STON2: variants seen among roughly 807,000 people sequenced by gnomAD.
STON2 encodes stonin 2.
Under a neutral mutation model 65.7 loss-of-function variants are expected in STON2, and 29 were observed. The observed-to-expected ratio is 0.44, with a 90% CI of 0.33 to 0.60. The LOEUF (loss-of-function observed/expected upper bound fraction) is 0.60. Among genes scored for constraint, STON2 ranks in the 20% least tolerant of loss-of-function variants. The probability of loss-of-function intolerance (pLI) is 0.03; values close to 1 mark genes in which losing one functional copy is unlikely to be tolerated. For synonymous variants in STON2, 404 were observed against 414.2 expected (o/e 0.98, Z 0.30); for missense variants, 1,054 against 1,118.1 (o/e 0.94, Z 0.82).
At chr14:81,349,628 G>T (rs937889403) in intron 4 of STON2, among the ~76,000 whole-genome samples, 1 of 152,046 alleles carries the variant, frequency 6.6e-6, no homozygotes, top group African/African-American at 2.4e-5. Flanking sequence ...ACTGCTGGTG[G>T]GAATGTAAAT....
rs1428304661 is a variant in STON2, at chr14:81,261,741, C to T, written c.*6673G>A. On this transcript the variant is annotated 3_prime_UTR_variant, in exon 8 of 8. Coordinates refer to ENST00000614646, the MANE Select transcript of STON2 (RefSeq NM_001394390.1). ...CTTCTGTGTCAGGTAGCACCCAAAT[C>T]CTAACATCTATTTTGGAGACCTGTC... 1 of 1,460,606 alleles carries T rather than the reference C, an allele frequency of 6.8e-7. No individual in the cohort carries two copies. The highest frequency in any genetic ancestry group is 2.5e-5 in the East Asian group (1 of 39,636). The allele number at this position is 1,460,606 out of a possible 1,614,324, so 90.5% of individuals were successfully genotyped here.
At chr14:81,271,885 C>T (rs1198617561) in intron 6 of STON2, among the ~76,000 whole-genome samples, 1 of 152,108 alleles carries the variant, frequency 6.6e-6, no homozygotes, top group African/African-American at 2.4e-5. Flanking sequence ...AGAATGTTAC[C>T]TTCATTTTAT....
At position 81,278,332 on chromosome 14, in the gene STON2, G is replaced by C. The variant is rs1455386429; in HGVS notation, c.1150C>G (p.Pro384Ala). The C allele has an allele frequency of 6.2e-7, 1 of 1,614,154 alleles. No individual in the cohort carries two copies. Among genetic ancestry groups the C allele is most frequent in the East Asian group, 2.2e-5 (1 of 44,878 alleles). Residue 384 changes from proline (P) to alanine (A), a missense_variant, in exon 6 of 8, where the codon CCT becomes GCT. Physicochemically the swap from Pro to Ala is conservative, Grantham distance 27. Coordinates refer to ENST00000614646, the MANE Select transcript of STON2 (RefSeq NM_001394390.1). ...NETLQDVQPS[P>A]INPFSAFFEE... ...AAGAAAGCACTGAAAGGGTTGATAG[G>C]GGAGGGCTGTACATCCTGCAGAGTC...
Position 81,265,854 on chromosome 14 carries a change from C to G in STON2, c.*2560G>C, listed in dbSNP as rs1894339801. ...TCCAACAAGCAATCCACATGTTATGCTAGCAGATGAGGCAGAGATCTTGAC... is the reference window on the plus strand; with the variant it reads ...TCCAACAAGCAATCCACATGTTATGGTAGCAGATGAGGCAGAGATCTTGAC... On this transcript the variant is annotated 3_prime_UTR_variant, in exon 8 of 8. Transcript: ENST00000614646. 3.0e-6 allele frequency: 3 copies of G among 985,162 alleles called. No homozygotes were observed. The highest frequency in any genetic ancestry group is 3.6e-6 in the Non-Finnish European group (3 of 829,910). The allele number at this position is 985,162 out of a possible 1,614,324, so 61.0% of individuals were successfully genotyped here. A position where few individuals can be genotyped will look rare whatever the true frequency, so the allele number is the denominator to read the frequency against.
At chr14:81,312,492 T>C (rs186524525) in intron 5 of STON2, among the ~76,000 whole-genome samples, 32 of 152,338 alleles carry the variant, frequency 2.1e-4, no homozygotes, top group African/African-American at 7.7e-4. Context: ...AAAACTCCCC[T>C]GAACTACTTC....
intron 4 of STON2, among the ~76,000 whole-genome samples, chr14:81,341,845 G>T (rs192850624): frequency 4.4e-4 from 67 of 152,246 alleles, no homozygotes; most frequent in South Asian, 2.1e-3. Flanking sequence ...GATAATCTCA[G>T]AATCTTCATG....
At chr14:81,293,638 A>G (rs1026199962) in intron 5 of STON2, among the ~76,000 whole-genome samples, 8 of 152,202 alleles carry the variant, frequency 5.3e-5, no homozygotes, top group African/African-American at 1.9e-4. Flanking sequence ...AAATACATAT[A>G]TCTTAAGCAG....
At chr14:81,407,951 C>G (rs1191203313) in intron 2 of STON2, among the ~76,000 whole-genome samples, 1 of 152,146 alleles carries the variant, frequency 6.6e-6, no homozygotes, top group Non-Finnish European at 1.5e-5. Flanking sequence ...TTGAAATAAC[C>G]ATGCTGCTTG....
intron 3 of STON2, among the ~76,000 whole-genome samples, chr14:81,388,567 C>T (rs1899932962): frequency 6.6e-6 from 1 of 152,152 alleles, no homozygotes; most frequent in South Asian, 2.1e-4. Flanking sequence ...AAGAGACGTA[C>T]CATTAATGAC....
At chr14:81,351,682 G>A (rs992316867) in intron 4 of STON2, among the ~76,000 whole-genome samples, 1 of 152,210 alleles carries the variant, frequency 6.6e-6, no homozygotes. Context: ...CATTCAAAAT[G>A]TGAAATCCCT....
In STON2 at chr14:81,329,494, G is replaced by A. The variant is rs113792540; in HGVS notation, c.572-5307C>T. 3.8e-3 allele frequency among the ~76,000 whole-genome samples: 581 copies of A among 151,214 alleles called. 3 individuals are homozygous for A. Among genetic ancestry groups the A allele is most frequent in the African/African-American group, 0.012 (503 of 41,116 alleles). ...AAAAGAGAGAGACAAAGATACAGGG[G>A]AAAACGTCATGAGAAGATGGAGGCA... On this transcript the variant is annotated intron_variant, in intron 4 of 7. Transcript: ENST00000614646.
At position 81,371,125 on chromosome 14, in the gene STON2, G is replaced by T. The variant is rs976376710; in HGVS notation, c.434C>A (p.Pro145His). ...CPSFDSLGRCPLTSESSWTTH... is the reference protein window; with the variant it reads ...CPSFDSLGRCHLTSESSWTTH... Reference sequence around the variant, plus strand: ...GGTCCAGCTGCTCTCAGAAGTCAGAGGGCATCTCCCCAGGGAGTCAAAGGA... The same window carrying T: ...GGTCCAGCTGCTCTCAGAAGTCAGATGGCATCTCCCCAGGGAGTCAAAGGA... The change falls in exon 4 of 8, where the codon CCT becomes CAT. Residue 145 changes from proline to histidine, a missense_variant. Pro to His is a moderately conservative substitution (Grantham distance 77). Coordinates refer to ENST00000614646, the MANE Select transcript of STON2 (RefSeq NM_001394390.1). 1 of 1,614,156 alleles carries T rather than the reference G, an allele frequency of 6.2e-7. No individual in the cohort carries two copies. Among genetic ancestry groups the T allele is most frequent in the Admixed American group, 1.7e-5 (1 of 60,020 alleles).
chr14:81,427,747 C>T (rs930982090), intron 1 of STON2, among the ~76,000 whole-genome samples: 2 of 152,096 alleles, frequency 1.3e-5, no homozygotes, highest in African/African-American at 4.8e-5. Flanking sequence ...AAAAAGTGTG[C>T]TTTGACTGCC....
chr14:81,361,534 C>T lies in STON2; in HGVS notation c.571+9454G>A, dbSNP rs186089375. On this transcript the variant is annotated intron_variant, in intron 4 of 7. Transcript: ENST00000614646. ...AAAGGTTTAAACATAAGACCTGAAA[C>T]TGTAAAACTATTGGAAGAAAATATA... Among the ~76,000 whole-genome samples the T allele has an allele frequency of 1.6e-4, 24 of 152,156 alleles. No individual in the cohort carries two copies. The East Asian group carries it at 3.9e-3, about 24-fold the overall frequency.
intron 5 of STON2, among the ~76,000 whole-genome samples, chr14:81,287,782 T>A (rs998184512): frequency 6.6e-6 from 1 of 152,166 alleles, no homozygotes; most frequent in African/African-American, 2.4e-5. Flanking sequence ...CTCTCCCCAA[T>A]ACTCTACCTT....
At chr14:81,348,252 G>T (rs1897894412) in intron 4 of STON2, among the ~76,000 whole-genome samples, 1 of 152,108 alleles carries the variant, frequency 6.6e-6, no homozygotes, top group Non-Finnish European at 1.5e-5. Context: ...AGTACTGGAA[G>T]TCCTAGCCAG....
intron 5 of STON2, among the ~76,000 whole-genome samples, chr14:81,292,655 C>T (rs542072014): frequency 7.2e-5 from 11 of 152,296 alleles, no homozygotes; most frequent in Non-Finnish European, 1.0e-4. Flanking sequence ...TCCCCAACCC[C>T]GCAGAACTGT....
intron 3 of STON2, among the ~76,000 whole-genome samples, chr14:81,371,676 T>TA (rs34428344): frequency 0.011 from 1,067 of 97,666 alleles, 12 homozygotes; most frequent in African/African-American, 0.026. Flanking sequence ...AGACTGAGTC[T>TA]AAAAAAAAAA....
At chr14:81,372,566 AAG>A (rs1173086938) in intron 3 of STON2, among the ~76,000 whole-genome samples, 6 of 129,574 alleles carry the variant, frequency 4.6e-5, no homozygotes, top group South Asian at 2.9e-4. Context: ...AAAAAAAAAA[AAG>A]AAGAAGAAGA....
Sources: allele counts gnomAD v4.1 joint callset (sites outside exome capture counted in the v4.1 genomes callset), GRCh38; gene constraint gnomAD v4.1.1; transcripts MANE v1.5; gene names NCBI Gene and HGNC (gene_info 2026-07-23, HGNC 2026-07-21).